The following UMPS variants were observed in gnomAD, a reference collection of about 807,000 sequenced individuals.
UMPS encodes the protein uridine 5'-monophosphate synthase.
A neutral mutation model predicts 38.9 loss-of-function variants in UMPS; 21 were observed. The ratio of observed to expected loss-of-function variants is 0.54; its 90% CI spans 0.38 to 0.78. The LOEUF is 0.78. Ranked by LOEUF, UMPS falls within the 30% of genes least tolerant of loss-of-function variation. The probability of loss-of-function intolerance (pLI) is 0.00; values close to 1 mark genes in which losing one functional copy is unlikely to be tolerated. For synonymous variants in UMPS, 208 were observed against 219.3 expected (o/e 0.95, Z 0.45); for missense variants, 533 against 591.6 (o/e 0.90, Z 1.03).
chr3:124,737,520 A>G, intron 2 of UMPS, 48 bp from the exon 3 acceptor site: 1 of 1,564,444 alleles, frequency 6.4e-7, no homozygotes, highest in Non-Finnish European at 8.8e-7. Flanking sequence ...ATACGCACAT[A>G]TACATACATA....
chr3:124,735,059 A>G lies in UMPS; in HGVS notation c.157-34A>G, dbSNP rs770608354. 3.2e-6 allele frequency: 5 copies of G among 1,584,824 alleles called. No homozygotes were observed. The East Asian group carries it at 9.0e-5, about 28-fold the overall frequency. On this transcript the variant is annotated intron_variant, in intron 1 of 5. Coordinates refer to ENST00000232607, the MANE Select transcript of UMPS (RefSeq NM_000373.4). The stretch of plus-strand genomic sequence containing the variant: ...TATAAAATAAAATAAAATAGTTACA[A>G]TAAAACATTGTTTATGTGTTCATTT...
At position 124,742,202 on chromosome 3, in the gene UMPS, C is replaced by G. The variant is rs760715043; in HGVS notation, c.1209C>G (p.Gly403=). Reference sequence around the variant, plus strand: ...AATTTGTTGTTGGTTTTATTTCTGGCTCCCGAGTAAGCATGAAACCAGAAT... The same window carrying G: ...AATTTGTTGTTGGTTTTATTTCTGGGTCCCGAGTAAGCATGAAACCAGAAT... ...HSEFVVGFIS[G]SRVSMKPEFL... Residue 403 remains glycine, a synonymous_variant, in exon 5 of 6, where the codon GGC becomes GGG. Coordinates refer to ENST00000232607, the MANE Select transcript of UMPS (RefSeq NM_000373.4). 1 of 1,614,096 alleles carries G rather than the reference C, an allele frequency of 6.2e-7. No homozygotes were observed. Among genetic ancestry groups the G allele is most frequent in the South Asian group, 1.1e-5 (1 of 91,070 alleles).
intron 5 of UMPS, among the ~76,000 whole-genome samples, chr3:124,742,981 A>T (rs1237578435): frequency 6.6e-6 from 1 of 152,106 alleles, no homozygotes; most frequent in East Asian, 1.9e-4. Flanking sequence ...TGAGGGGGTG[A>T]ATATTTAGGG....
At chr3:124,734,270 AAT>A (rs1175060300) in intron 1 of UMPS, among the ~76,000 whole-genome samples, 3 of 152,182 alleles carry the variant, frequency 2.0e-5, no homozygotes, top group Non-Finnish European at 4.4e-5. Context: ...TTAAAAAAAA[AAT>A]GAGGTGGTCT....
intron 2 of UMPS, 22 bp from the exon 3 acceptor site, chr3:124,737,546 A>G: frequency 6.2e-7 from 1 of 1,613,586 alleles, no homozygotes; most frequent in Non-Finnish European, 8.5e-7. Flanking sequence ...ATTTGGAATC[A>G]GCAAAATTTT....
Position 124,737,933 on chromosome 3 carries a change from A to G in UMPS, c.676A>G (p.Ser226Gly). ...TATAAAGGAAGCACCCAAAGAACTC[A>G]GCTTCGGTGCACGTGCAGAGCTGCC... ...LSIKEAPKEL[S>G]FGARAELPRI... The change falls in exon 3 of 6, where the codon AGC becomes GGC. Residue 226 changes from serine (S) to glycine (G), a missense_variant. Ser to Gly is a moderately conservative substitution (Grantham distance 56). Coordinates refer to ENST00000232607, the MANE Select transcript of UMPS (RefSeq NM_000373.4). The G allele has an allele frequency of 3.7e-6, 6 of 1,614,244 alleles. No homozygotes were observed. The highest frequency in any genetic ancestry group is 5.1e-6 in the Non-Finnish European group (6 of 1,180,040).
At chr3:124,735,650 A>G (rs991586986) in intron 2 of UMPS, among the ~76,000 whole-genome samples, 1 of 152,170 alleles carries the variant, frequency 6.6e-6, no homozygotes, top group Non-Finnish European at 1.5e-5. Flanking sequence ...TTGTGGGTTC[A>G]TGGCAATAGA....
Position 124,743,973 on chromosome 3 carries a change from C to T in UMPS, c.1332C>T (p.Ser444=), listed in dbSNP as rs112541424. The part of the protein sequence containing the change: ...SPQEVIGKRG[S]DIIIVGRGII... ...AAGAAGTTATTGGCAAACGAGGTTC[C>T]GATATCATCATTGTAGGTCGTGGCA... The change falls in exon 6 of 6, where the codon TCC becomes TCT. Residue 444 remains serine (S), a synonymous_variant. Coordinates refer to ENST00000232607, the MANE Select transcript of UMPS (RefSeq NM_000373.4). 3.9e-5 allele frequency: 63 copies of T among 1,614,014 alleles called. No homozygotes were observed. Among genetic ancestry groups the T allele is most frequent in the East Asian group, 1.6e-4 (7 of 44,892 alleles).
rs1410440863 is a variant in UMPS, at chr3:124,748,430, C to T, written c.*4346C>T. On this transcript the variant is annotated 3_prime_UTR_variant, in exon 6 of 6. Transcript: ENST00000232607. ...CCAAAGGAAGGCCGCAATAGAAATA[C>T]AAAGAGAAACAAAATAATTAGAATA... 2.2e-6 allele frequency: 1 copy of T among 453,758 alleles called. No individual in the cohort carries two copies. Among genetic ancestry groups the T allele is most frequent in the Non-Finnish European group, 4.4e-6 (1 of 226,762 alleles). The allele number at this position is 453,758 out of a possible 1,614,324, so 28.1% of individuals were successfully genotyped here.
chr3:124,735,533 G>T (rs2063511851), intron 2 of UMPS, among the ~76,000 whole-genome samples: 1 of 151,436 alleles, frequency 6.6e-6, no homozygotes, highest in African/African-American at 2.4e-5. Flanking sequence ...GCAAAATGTT[G>T]TAACAGCACA....
intron 2 of UMPS, among the ~76,000 whole-genome samples, chr3:124,735,618 T>C (rs113911411): frequency 1.3e-5 from 2 of 152,236 alleles, no homozygotes; most frequent in African/African-American, 4.8e-5. Flanking sequence ...TAAAGCAGTG[T>C]AAACACCTCA....
chr3:124,743,071 C>T (rs1408772291), intron 5 of UMPS, among the ~76,000 whole-genome samples: 2 of 152,122 alleles, frequency 1.3e-5, no homozygotes, highest in African/African-American at 2.4e-5. Flanking sequence ...CGGGGGCTCA[C>T]GCTCGTAATC....
chr3:124,738,190 A>G lies in UMPS; in HGVS notation c.933A>G (p.Glu311=), dbSNP rs779595245. 6.2e-7 allele frequency: 1 copy of G among 1,614,182 alleles called. No individual in the cohort carries two copies. The highest frequency in any genetic ancestry group is 1.1e-5 in the South Asian group (1 of 91,074). Residue 311 remains glutamate, a synonymous_variant, in exon 3 of 6, where the codon GAA becomes GAG. Coordinates refer to ENST00000232607, the MANE Select transcript of UMPS (RefSeq NM_000373.4). ...LAKCHEFLIF[E]DRKFADIGNT... ...AATGCCATGAGTTCTTGATATTTGA[A>G]GACCGGAAGTTTGCAGATATAGGAA... is the stretch of plus-strand genomic sequence containing the variant.
In UMPS at chr3:124,748,096, GATATAAT is replaced by G. The variant is rs745970200; in HGVS notation, c.*4021_*4027del. The G allele has an allele frequency of 3.7e-5, 10 of 267,968 alleles. No homozygotes were observed. Among genetic ancestry groups the G allele is most frequent in the Non-Finnish European group, 5.0e-5 (7 of 139,924 alleles). The allele number at this position is 267,968 out of a possible 1,614,324, so 16.6% of individuals were successfully genotyped here. On this transcript the variant is annotated 3_prime_UTR_variant, in exon 6 of 6. Coordinates refer to ENST00000232607, the MANE Select transcript of UMPS (RefSeq NM_000373.4). ...TATATTTTAACAGTTATATATATTA[GATATAAT>G]ATATAATAGTATATATAAATAATAC...
intron 3 of UMPS, 128 bp downstream of exon 3, chr3:124,738,367 G>A: frequency 2.2e-6 from 2 of 924,528 alleles, no homozygotes; most frequent in South Asian, 2.9e-5. Context: ...GGATCCAGGA[G>A]CTCAAGTGAT....
rs1559910042 is a variant in UMPS at position 124,747,012 on chromosome 3, G to A, written c.*2928G>A. On this transcript the variant is annotated 3_prime_UTR_variant, in exon 6 of 6. Coordinates refer to ENST00000232607, the MANE Select transcript of UMPS (RefSeq NM_000373.4). ...AGGCCGAGGGCTGGTTTTTTGTTTTGTTTTGTTTGTTTGATACAGGGTCTT... is the reference window on the plus strand; with the variant it reads ...AGGCCGAGGGCTGGTTTTTTGTTTTATTTTGTTTGTTTGATACAGGGTCTT... The A allele has an allele frequency of 4.6e-6, 2 of 439,148 alleles. No individual in the cohort carries two copies. Among genetic ancestry groups the A allele is most frequent in the South Asian group, 1.6e-5 (1 of 63,766 alleles). 27.2% of individuals were successfully genotyped at this position (439,148 alleles called of 1,614,324 possible).
At chr3:124,736,367 A>G (rs16835929) in intron 2 of UMPS, among the ~76,000 whole-genome samples, 24,636 of 152,150 alleles carry the variant, frequency 0.16, 2,260 homozygotes, top group Admixed American at 0.25. Flanking sequence ...TTTTAAAACA[A>G]ATCCTTCTTC....
In UMPS at chr3:124,748,299, C is replaced by T. The variant is rs780219461; in HGVS notation, c.*4215C>T. The T allele has an allele frequency of 9.5e-5, 43 of 453,770 alleles. No homozygotes were observed. Among genetic ancestry groups the T allele is most frequent in the Non-Finnish European group, 4.4e-5 (10 of 226,756 alleles). The allele number at this position is 453,770 out of a possible 1,614,324, so 28.1% of individuals were successfully genotyped here. On this transcript the variant is annotated 3_prime_UTR_variant, in exon 6 of 6. Transcript: ENST00000232607. ...TAAATGCGGATTTTATTTTGGATTA[C>T]AGGATGTAGAATGCCATATTTTTCT...
chr3:124,743,195 G>A (rs1419290997), intron 5 of UMPS, among the ~76,000 whole-genome samples: 2 of 151,424 alleles, frequency 1.3e-5, no homozygotes, highest in East Asian at 1.9e-4. Flanking sequence ...TTAGCCGGGC[G>A]TGGTGGTGCA....
Sources: gnomAD v4.1 joint callset for allele counts (sites outside exome capture counted in the v4.1 genomes callset) on GRCh38, gnomAD v4.1.1 for gene constraint, MANE v1.5 for transcripts, NCBI Gene and HGNC (gene_info 2026-07-23, HGNC 2026-07-21) for gene names.